Variants in TSGA13 observed in about 807,000 individuals in gnomAD.
TSGA13 encodes the protein testis-specific gene 13 protein.
A neutral mutation model predicts 35.1 loss-of-function variants in TSGA13; 37 were observed. The observed-to-expected ratio is 1.05, with a 90% confidence interval of 0.81 to 1.39. The LOEUF is 1.39. TSGA13 is among the 40% of genes most tolerant of loss of function. TSGA13 has a pLI of 0.00. For synonymous variants in TSGA13, 124 were observed against 121.2 expected (o/e 1.02, Z -0.15); for missense variants, 338 against 328.5 (o/e 1.03, Z -0.22).
chr7:130,684,738 C>T (rs1333215393), intron 2 of TSGA13, among the ~76,000 whole-genome samples: 2 of 152,174 alleles, frequency 1.3e-5, no homozygotes, highest in South Asian at 2.1e-4. Flanking sequence ...AAAACGGTCC[C>T]AACAGAGTAG....
At chr7:130,683,778 G>C in intron 2 of TSGA13, 106 bp from the exon 3 acceptor site, 1 of 946,292 alleles carries the variant, frequency 1.1e-6, no homozygotes, top group Non-Finnish European at 1.6e-6. Context: ...ACTCAGACAA[G>C]TCCAATTTAG....
Position 130,672,812 on chromosome 7 carries a change from T to A in TSGA13, c.452A>T (p.Lys151Met), listed in dbSNP as rs782257490. The change falls in exon 6 of 8, where the codon AAG becomes ATG. Residue 151 changes from lysine (K) to methionine (M), a missense_variant. Lys to Met is a moderately conservative substitution (Grantham distance 95). Transcript: ENST00000356588. The part of the protein sequence containing the change: ...LWLPRMPQKK[K>M]LRSKLKPIFP... ...GATTGGTTTCAGCTTAGATCTTAAC[T>A]TTTTTTTCTGAGGCATGCGGGGCAG... 1.2e-6 allele frequency: 2 copies of A among 1,613,558 alleles called. No homozygotes were observed. Among genetic ancestry groups the A allele is most frequent in the Non-Finnish European group, 1.7e-6 (2 of 1,179,704 alleles).
intron 3 of TSGA13, 91 bp from the exon 4 acceptor site, chr7:130,681,108 C>G: frequency 9.1e-7 from 1 of 1,104,090 alleles, no homozygotes. Context: ...CACTGGAGAA[C>G]TGGTCTCTAA....
At chr7:130,675,540 C>T (rs577079696) in intron 5 of TSGA13, among the ~76,000 whole-genome samples, 14 of 152,260 alleles carry the variant, frequency 9.2e-5, no homozygotes, top group Non-Finnish European at 1.5e-4. Context: ...TGTGCCACCA[C>T]GCCTGGCTAA....
Position 130,683,690 on chromosome 7 carries a change from CA to C in TSGA13, c.24-19del, listed in dbSNP as rs1554465410. 1 of 1,612,142 alleles carries C rather than the reference CA, an allele frequency of 6.2e-7. No homozygotes were observed. On this transcript the variant is annotated intron_variant, in intron 2 of 7. Transcript: ENST00000356588. ...TTTGAAACCTGAAAAAGAGGCAGAA[CA>C]TCCGGTTGCACTTTCTGGCTCAGAG...
intron 7 of TSGA13, among the ~76,000 whole-genome samples, chr7:130,671,266 TAA>T (rs1156904081): frequency 8.5e-5 from 13 of 152,206 alleles, no homozygotes; most frequent in South Asian, 2.1e-4. Context: ...AAATTTGATA[TAA>T]GTGTTTCAGA....
chr7:130,671,128 G>C (rs554514307), intron 7 of TSGA13, among the ~76,000 whole-genome samples: 3 of 151,998 alleles, frequency 2.0e-5, no homozygotes, highest in Admixed American at 2.0e-4. Context: ...AGAGACTTTT[G>C]TACCTCTAAG....
At chr7:130,676,979 G>A (rs1796426772) in intron 5 of TSGA13, among the ~76,000 whole-genome samples, 2 of 150,322 alleles carry the variant, frequency 1.3e-5, no homozygotes, top group Non-Finnish European at 3.0e-5. Context: ...TGCGAGCTCC[G>A]CCTCCCACGT....
At chr7:130,686,218 C>T (rs1796655115) in intron 1 of TSGA13, 44 bp downstream of exon 1, 1 of 152,150 alleles carries the variant, frequency 6.6e-6, no homozygotes. Flanking sequence ...CTTAAAGTTC[C>T]CTTCTAGGGA....
chr7:130,671,749 A>G lies in TSGA13; in HGVS notation c.570T>C (p.Tyr190=), dbSNP rs782431716. The change falls in exon 7 of 8, where the codon TAT becomes TAC. Residue 190 remains tyrosine (Y), a synonymous_variant. Transcript: ENST00000356588. ...GTGTCCTCAAAGCGTAGACTTTTGA[A>G]TACTTCCCTTCGCTCTTGAAATCAT... ...TDNDFKSEGK[Y]SKVYALRTQK... 18 of 1,605,902 alleles carry G rather than the reference A, an allele frequency of 1.1e-5. No individual in the cohort carries two copies. Among genetic ancestry groups the G allele is most frequent in the South Asian group, 1.0e-4 (9 of 90,048 alleles).
intron 7 of TSGA13, among the ~76,000 whole-genome samples, chr7:130,670,615 GTTA>G (rs1168676916): frequency 6.6e-6 from 1 of 151,998 alleles, no homozygotes; most frequent in Non-Finnish European, 1.5e-5. Context: ...TCGATTTCTT[GTTA>G]TTGTTGTTTG....
At position 130,671,800 on chromosome 7, in the gene TSGA13, A is replaced by T. The variant is rs1796274737; in HGVS notation, c.531-12T>A. On this transcript the variant is annotated splice_polypyrimidine_tract_variant and intron_variant, in intron 6 of 7. Transcript: ENST00000356588. ...TGTCAGTGGAAAACCTTAACAAAGA[A>T]AGTTCTTTGTTTAGTAGATCCTAGG... The T allele has an allele frequency of 1.3e-6, 2 of 1,568,696 alleles. No individual in the cohort carries two copies. The highest frequency in any genetic ancestry group is 2.7e-5 in the African/African-American group (2 of 73,460).
In TSGA13 at chr7:130,669,184, C is replaced by T. The variant is rs781807226; in HGVS notation, c.659-1G>A. On this transcript the variant is annotated splice_acceptor_variant, in intron 7 of 7. Transcript: ENST00000356588. LOFTEE classifies it high-confidence loss of function. ...CTTTCACTCGCTGACTTCTTGGAAG[C>T]TACGACAAAGCACAGGCACCCTGGT... The T allele has an allele frequency of 1.9e-6, 3 of 1,614,186 alleles. No homozygotes were observed. The highest frequency in any genetic ancestry group is 3.3e-5 in the Admixed American group (2 of 60,036).
chr7:130,671,347 A>T (rs772653812), intron 7 of TSGA13, among the ~76,000 whole-genome samples: 2 of 152,228 alleles, frequency 1.3e-5, no homozygotes, highest in Non-Finnish European at 2.9e-5. Context: ...AAGATTTTTT[A>T]AAAATCCTTT....
chr7:130,685,790 A>G (rs1796645079), intron 1 of TSGA13, among the ~76,000 whole-genome samples: 1 of 152,206 alleles, frequency 6.6e-6, no homozygotes, highest in African/African-American at 2.4e-5. Context: ...GTGTGTGTAT[A>G]TATTGGGAAT....
chr7:130,682,191 C>G lies in TSGA13; in HGVS notation c.103-1174G>C, dbSNP rs191206410. On this transcript the variant is annotated intron_variant, in intron 3 of 7. Transcript: ENST00000356588. ...CTGGAGTGCAATGGCATGATCTTGG[C>G]TCACTGCAACCTCTGCCTCCCGGGT... 4.0e-3 allele frequency among the ~76,000 whole-genome samples: 610 copies of G among 152,192 alleles called. 3 individuals are homozygous for G. Among genetic ancestry groups the G allele is most frequent in the African/African-American group, 0.014 (578 of 41,520 alleles).
chr7:130,679,549 G>C (rs140893738), intron 4 of TSGA13, among the ~76,000 whole-genome samples, 182 bp from the exon 5 acceptor site: 8 of 152,154 alleles, frequency 5.3e-5, no homozygotes, highest in African/African-American at 1.9e-4. Flanking sequence ...TCACTCTGGT[G>C]CCCAGGCTGG....
In TSGA13 at chr7:130,672,822, G is replaced by A. The variant is rs1796311751; in HGVS notation, c.442C>T (p.Gln148Ter). The change falls in exon 6 of 8, where the codon CAG becomes TAG. Residue 148 changes from glutamine to a stop codon, truncating the protein, a stop_gained. Transcript: ENST00000356588. LOFTEE classifies it high-confidence loss of function. The part of the protein sequence containing the change: ...TENLWLPRMP[Q>*]KKKLRSKLKP... ...AGCTTAGATCTTAACTTTTTTTTCTGAGGCATGCGGGGCAGCCAGAGGTTC... is the reference window on the plus strand; with the variant it reads ...AGCTTAGATCTTAACTTTTTTTTCTAAGGCATGCGGGGCAGCCAGAGGTTC... The A allele has an allele frequency of 1.9e-6, 3 of 1,613,872 alleles. No homozygotes were observed. Among genetic ancestry groups the A allele is most frequent in the Non-Finnish European group, 2.5e-6 (3 of 1,179,912 alleles).
chr7:130,670,213 G>A (rs1353490031), intron 7 of TSGA13, among the ~76,000 whole-genome samples: 2 of 152,206 alleles, frequency 1.3e-5, no homozygotes, highest in African/African-American at 4.8e-5. Context: ...GTGGAAATGG[G>A]ATGGGATGTG....
Sources: allele counts gnomAD v4.1 joint callset (sites outside exome capture counted in the v4.1 genomes callset), GRCh38; gene constraint gnomAD v4.1.1; transcripts MANE v1.5; gene names NCBI Gene and HGNC (gene_info 2026-07-23, HGNC 2026-07-21).